The following ARPC5 variants were observed in gnomAD, a reference collection of about 807,000 sequenced individuals.
ARPC5 encodes actin-related protein 2/3 complex subunit 5.
Under a neutral mutation model 15.4 loss-of-function variants are expected in ARPC5, and 5 were observed. That is an observed-to-expected ratio of 0.32 (90% confidence interval 0.17 to 0.68). The LOEUF (loss-of-function observed/expected upper bound fraction) is 0.68, where lower values mean the gene tolerates loss of function less well. Among genes scored for constraint, ARPC5 ranks in the 30% least tolerant of loss-of-function variants. ARPC5 has a pLI of 0.71. For synonymous variants in ARPC5, 85 were observed against 72.2 expected, an observed-to-expected ratio of 1.18 and a Z score of -0.90; for missense variants, 138 against 192.8, an observed-to-expected ratio of 0.72 and a Z score of 1.68.
Position 183,627,430 on chromosome 1 carries a change from G to C in ARPC5, c.*102C>G, listed in dbSNP as rs1649138027. 1.0e-6 allele frequency: 1 copy of C among 956,452 alleles called. No individual in the cohort carries two copies. Among genetic ancestry groups the C allele is most frequent in the Non-Finnish European group, 1.7e-6 (1 of 595,906 alleles). 59.2% of individuals were successfully genotyped at this position (956,452 alleles called of 1,614,324 possible). A position where few individuals can be genotyped will look rare whatever the true frequency, so the allele number is the denominator to read the frequency against. On this transcript the variant is annotated 3_prime_UTR_variant, in exon 4 of 4. Transcript: ENST00000359856. ...TGAAAAAGCAAGAAGGCAAAGCTGA[G>C]AGAAACAGATGCTACCCACAGGGCA...
At chr1:183,635,491 G>A (rs547475668) in intron 1 of ARPC5, 26 bp downstream of exon 1, 2 of 1,592,858 alleles carry the variant, frequency 1.3e-6, no homozygotes, top group Non-Finnish European at 1.7e-6. Flanking sequence ...GGGCTGGGGT[G>A]GGGAGGGCGG....
intron 3 of ARPC5, among the ~76,000 whole-genome samples, chr1:183,628,152 G>C (rs981709237): frequency 1.7e-5 from 2 of 115,236 alleles, no homozygotes; most frequent in African/African-American, 6.5e-5. Flanking sequence ...CAGCCTGGGC[G>C]ACAGAGCAAG....
chr1:183,630,214 T>C (rs1346431712), intron 3 of ARPC5: 1 of 333,810 alleles, frequency 3.0e-6, no homozygotes, highest in East Asian at 5.1e-5. Context: ...AAAGTTTTGA[T>C]TTAATTCAGA....
chr1:183,625,372 T>TA lies in ARPC5; in HGVS notation c.*2159dup, dbSNP rs1265585914. The stretch of plus-strand genomic sequence containing the variant: ...TAGTATCTCCCCTCAGTAAAGCTGA[T>TA]AGACTGGCAGATTCTAAATACACCC... On this transcript the variant is annotated 3_prime_UTR_variant, in exon 4 of 4. Coordinates refer to ENST00000359856, the MANE Select transcript of ARPC5 (RefSeq NM_005717.4). 1 of 152,228 alleles carries TA rather than the reference T, an allele frequency of 6.6e-6. No homozygotes were observed. Among genetic ancestry groups the TA allele is most frequent in the African/African-American group, 2.4e-5 (1 of 41,464 alleles). 9.4% of individuals were successfully genotyped at this position (152,228 alleles called of 1,614,324 possible).
Position 183,633,066 on chromosome 1 carries a change from G to A in ARPC5, c.216+16C>T. 6.3e-6 allele frequency: 10 copies of A among 1,581,326 alleles called. No homozygotes were observed. Among genetic ancestry groups the A allele is most frequent in the Non-Finnish European group, 8.6e-6 (10 of 1,158,244 alleles). Reference sequence around the variant, plus strand: ...AGATATCAGCAGAGATCACTGTGTTGTAGTCTGCGACTCACCTTCACTGCC... The same window carrying A: ...AGATATCAGCAGAGATCACTGTGTTATAGTCTGCGACTCACCTTCACTGCC... On this transcript the variant is annotated intron_variant, in intron 2 of 3. Coordinates refer to ENST00000359856, the MANE Select transcript of ARPC5 (RefSeq NM_005717.4).
Position 183,624,887 on chromosome 1 carries a change from C to A in ARPC5, c.*2645G>T, listed in dbSNP as rs886773770. ...TATTCTTCTGTTATGTCCTCATGATCCTGGGATCCACAGGAAATGCTTTAA... is the reference window on the plus strand; with the variant it reads ...TATTCTTCTGTTATGTCCTCATGATACTGGGATCCACAGGAAATGCTTTAA... On this transcript the variant is annotated 3_prime_UTR_variant, in exon 4 of 4. Transcript: ENST00000359856. The A allele has an allele frequency of 6.6e-6, 1 of 152,112 alleles. No individual in the cohort carries two copies. Among genetic ancestry groups the A allele is most frequent in the African/African-American group, 2.4e-5 (1 of 41,420 alleles). 9.4% of individuals were successfully genotyped at this position (152,112 alleles called of 1,614,324 possible).
Position 183,627,457 on chromosome 1 carries a change from C to A in ARPC5, c.*75G>T. On this transcript the variant is annotated 3_prime_UTR_variant, in exon 4 of 4. Transcript: ENST00000359856. ...GAAACAGATGCTACCCACAGGGCAG[C>A]GGTGGCATTTGGTTGTTTTGGTCTT... 3 of 1,247,876 alleles carry A rather than the reference C, an allele frequency of 2.4e-6. No homozygotes were observed. Among genetic ancestry groups the A allele is most frequent in the Admixed American group, 1.7e-5 (1 of 59,332 alleles). 77.3% of individuals were successfully genotyped at this position (1,247,876 alleles called of 1,614,324 possible). A position where few individuals can be genotyped will look rare whatever the true frequency, so the allele number is the denominator to read the frequency against.
In ARPC5 at chr1:183,627,316, G is replaced by GA; in HGVS notation, c.*215dup. On this transcript the variant is annotated 3_prime_UTR_variant, in exon 4 of 4. Coordinates refer to ENST00000359856, the MANE Select transcript of ARPC5 (RefSeq NM_005717.4). ...ATCACTGAAATGGTTTTGAAAGGAT[G>GA]AAACACTTCTATTTTAACACAATTT... 3 of 586,098 alleles carry GA rather than the reference G, an allele frequency of 5.1e-6. No homozygotes were observed. In the South Asian group the frequency reaches 6.3e-5, roughly 12 times the overall value. 36.3% of individuals were successfully genotyped at this position (586,098 alleles called of 1,614,324 possible). A position where few individuals can be genotyped will look rare whatever the true frequency, so the allele number is the denominator to read the frequency against.
At position 183,635,591 on chromosome 1, in the gene ARPC5, C is replaced by T. The variant is rs969729814; in HGVS notation, c.69G>A (p.Lys23=). ...CGCCCCCATCTTCTTCGTCCACGAA[C>T]TTGTTCTCGTCATATTCATCCACGT... ...KVDVDEYDEN[K]FVDEEDGGDG... is the part of the protein sequence containing the mutation. The change falls in exon 1 of 4, where the codon AAG becomes AAA. Residue 23 remains lysine (K), a synonymous_variant. Transcript: ENST00000359856. The T allele has an allele frequency of 5.0e-6, 8 of 1,613,638 alleles. No homozygotes were observed. In the African/African-American group the frequency reaches 9.3e-5, roughly 19 times the overall value.
chr1:183,629,299 T>C (rs1202916616), intron 3 of ARPC5, among the ~76,000 whole-genome samples: 1 of 152,226 alleles, frequency 6.6e-6, no homozygotes, highest in African/African-American at 2.4e-5. Flanking sequence ...GTTTTAAAGC[T>C]AGCTTTTCAT....
Position 183,623,406 on chromosome 1 carries a change from G to C in ARPC5, c.*4126C>G. ...GGTGAAGTAGCACCACCTTGAGGCA[G>C]ATGACATGCTGTACCTCTGTGGGCT... On this transcript the variant is annotated 3_prime_UTR_variant, in exon 4 of 4. Transcript: ENST00000359856. 6.4e-7 allele frequency: 1 copy of C among 1,550,504 alleles called. No homozygotes were observed. The highest frequency in any genetic ancestry group is 2.4e-5 in the East Asian group (1 of 40,920).
At chr1:183,627,638 G>A in intron 3 of ARPC5, 44 bp from the exon 4 acceptor site, 3 of 1,479,696 alleles carry the variant, frequency 2.0e-6, no homozygotes, top group Non-Finnish European at 1.9e-6. Context: ...ATAATAAAAG[G>A]TCAATTCTCA....
chr1:183,630,885 T>C (rs2101956391), intron 2 of ARPC5: 1 of 396,316 alleles, frequency 2.5e-6, no homozygotes, highest in South Asian at 5.9e-5. Context: ...GAAAAGCACG[T>C]GAGTAAGTCA....
intron 1 of ARPC5, among the ~76,000 whole-genome samples, chr1:183,634,510 G>T (rs1427901727): frequency 6.6e-6 from 1 of 152,142 alleles, no homozygotes; most frequent in African/African-American, 2.4e-5. Flanking sequence ...CAGTGTCTGA[G>T]ATTTTCTAAA....
intron 3 of ARPC5, among the ~76,000 whole-genome samples, chr1:183,629,661 A>G (rs1326655038): frequency 6.6e-6 from 1 of 152,228 alleles, no homozygotes; most frequent in African/African-American, 2.4e-5. Flanking sequence ...ATACACATGA[A>G]AATAGAAAAA....
chr1:183,626,244 AAAC>A lies in ARPC5; in HGVS notation c.*1285_*1287del, dbSNP rs1198900413. 1.3e-5 allele frequency: 2 copies of A among 152,242 alleles called. No homozygotes were observed. Among genetic ancestry groups the A allele is most frequent in the Non-Finnish European group, 2.9e-5 (2 of 68,040 alleles). The allele number at this position is 152,242 out of a possible 1,614,324, so 9.4% of individuals were successfully genotyped here. ...TTTCTGAAGTTTTATCATTTTTACA[AAAC>A]AAAACAAAATGAAACAAAAAGCAGG... On this transcript the variant is annotated 3_prime_UTR_variant, in exon 4 of 4. Transcript: ENST00000359856.
At chr1:183,630,397 G>T in intron 3 of ARPC5, 64 bp downstream of exon 3, 1 of 1,294,966 alleles carries the variant, frequency 7.7e-7, no homozygotes, top group Non-Finnish European at 1.1e-6. Context: ...AGGTGAGAGA[G>T]GTTGTCATTG....
Position 183,623,354 on chromosome 1 carries a change from T to C in ARPC5, c.*4178A>G, listed in dbSNP as rs1026056231. The C allele has an allele frequency of 1.4e-6, 2 of 1,412,628 alleles. No individual in the cohort carries two copies. Among genetic ancestry groups the C allele is most frequent in the African/African-American group, 2.8e-5 (2 of 70,472 alleles). 87.5% of individuals were successfully genotyped at this position (1,412,628 alleles called of 1,614,324 possible). ...ATGTTAAAGTGAATGCTGTGTCCCATGTTGCTTGTGGTTGGATCATCAATG... is the reference window on the plus strand; with the variant it reads ...ATGTTAAAGTGAATGCTGTGTCCCACGTTGCTTGTGGTTGGATCATCAATG... On this transcript the variant is annotated 3_prime_UTR_variant, in exon 4 of 4. Transcript: ENST00000359856.
At chr1:183,631,982 G>T (rs908320661) in intron 2 of ARPC5, 1 of 152,160 alleles carries the variant, frequency 6.6e-6, no homozygotes, top group Non-Finnish European at 1.5e-5. Context: ...TTGGTTTAAA[G>T]ACTGCAATTA....
Sources: allele counts gnomAD v4.1 joint callset (sites outside exome capture counted in the v4.1 genomes callset), GRCh38; gene constraint gnomAD v4.1.1; transcripts MANE v1.5; gene names NCBI Gene and HGNC (gene_info 2026-07-23, HGNC 2026-07-21).